The following FSTL5 variants were observed in gnomAD, a reference collection of about 807,000 sequenced individuals.
FSTL5 encodes the protein follistatin-related protein 5.
A neutral mutation model predicts 89.1 loss-of-function variants in FSTL5; 62 were observed. The observed-to-expected ratio is 0.70, with a 90% confidence interval of 0.57 to 0.86. The LOEUF (loss-of-function observed/expected upper bound fraction) is 0.86. FSTL5 is among the 40% of genes least tolerant of loss of function. FSTL5 has a pLI of 0.00. For missense variants in FSTL5, 1,057 were observed against 1,001.6 expected, an observed-to-expected ratio of 1.06 and a Z score of -0.75; for synonymous variants, 383 against 346.2, an observed-to-expected ratio of 1.11 and a Z score of -1.18.
chr4:161,760,865 G>A (rs1740768049), intron 5 of FSTL5, among the ~76,000 whole-genome samples: 1 of 151,946 alleles, frequency 6.6e-6, no homozygotes, highest in Non-Finnish European at 1.5e-5. Flanking sequence ...ACCTTTTTTG[G>A]AACACTCCTG....
chr4:161,909,493 G>A (rs1029185989), intron 4 of FSTL5, among the ~76,000 whole-genome samples: 1 of 152,048 alleles, frequency 6.6e-6, no homozygotes, highest in African/African-American at 2.4e-5. Flanking sequence ...CCTCAGCACT[G>A]CTAGAATTCC....
intron 15 of FSTL5, among the ~76,000 whole-genome samples, chr4:161,419,664 T>C (rs919267329): frequency 6.6e-6 from 1 of 152,188 alleles, no homozygotes; most frequent in Admixed American, 6.5e-5. Flanking sequence ...AAACTTCCAA[T>C]GGCATTCACC....
At chr4:161,435,699 T>C (rs1236052655) in intron 15 of FSTL5, among the ~76,000 whole-genome samples, 1 of 150,922 alleles carries the variant, frequency 6.6e-6, no homozygotes, top group South Asian at 2.1e-4. Context: ...TATATGTATA[T>C]ATTATATATG....
chr4:162,026,462 C>G (rs1357708689), intron 3 of FSTL5, among the ~76,000 whole-genome samples: 2 of 151,644 alleles, frequency 1.3e-5, no homozygotes, highest in Admixed American at 6.6e-5. Flanking sequence ...TGCCCACCAC[C>G]ACGCTTGGCT....
chr4:162,050,447 T>C (rs1011342122), intron 2 of FSTL5, among the ~76,000 whole-genome samples: 1 of 150,766 alleles, frequency 6.6e-6, no homozygotes, highest in Non-Finnish European at 1.5e-5. Context: ...ATAGCTTCAA[T>C]ATTATGGATT....
intron 13 of FSTL5, among the ~76,000 whole-genome samples, chr4:161,471,161 G>C (rs7690342): frequency 0.22 from 33,593 of 152,182 alleles, 4,438 homozygotes; most frequent in East Asian, 0.43. Context: ...CCTGAACTTA[G>C]AGGAGAAGCT....
chr4:162,068,872 CA>C (rs369132685), intron 2 of FSTL5, among the ~76,000 whole-genome samples: 19 of 151,864 alleles, frequency 1.3e-4, no homozygotes, highest in African/African-American at 4.6e-4. Flanking sequence ...CCCCATTAAA[CA>C]GTGGGCAAAA....
intron 6 of FSTL5, among the ~76,000 whole-genome samples, chr4:161,710,982 A>C (rs1340375972): frequency 6.6e-6 from 1 of 152,228 alleles, no homozygotes; most frequent in African/African-American, 2.4e-5. Flanking sequence ...CTAGAAAATA[A>C]TTGCAGATGA....
chr4:161,431,586 T>C (rs1320063273), intron 15 of FSTL5, among the ~76,000 whole-genome samples: 1 of 150,938 alleles, frequency 6.6e-6, no homozygotes, highest in African/African-American at 2.4e-5. Context: ...AAAACAACAA[T>C]AAAATGGCAG....
At chr4:161,935,420 T>C (rs1734405127) in intron 3 of FSTL5, among the ~76,000 whole-genome samples, 1 of 152,180 alleles carries the variant, frequency 6.6e-6, no homozygotes, top group Admixed American at 6.5e-5. Flanking sequence ...AAGATAGATT[T>C]ATACTGATTC....
chr4:161,465,389 A>G (rs908009857), intron 13 of FSTL5, among the ~76,000 whole-genome samples: 3 of 152,154 alleles, frequency 2.0e-5, no homozygotes, highest in African/African-American at 7.2e-5. Flanking sequence ...ACAAAAAAGC[A>G]TTAGTTATGT....
chr4:162,089,258 TA>T (rs965733256), intron 2 of FSTL5, among the ~76,000 whole-genome samples: 9 of 152,216 alleles, frequency 5.9e-5, no homozygotes, highest in African/African-American at 2.2e-4. Flanking sequence ...TAATCTGTTA[TA>T]GCAAAACACC....
chr4:161,495,673 T>C (rs978202240), intron 12 of FSTL5, among the ~76,000 whole-genome samples: 4 of 152,116 alleles, frequency 2.6e-5, no homozygotes, highest in Admixed American at 2.6e-4. Context: ...TTCTGAGAGA[T>C]TTGATTCTAT....
At chr4:161,919,526 A>G (rs773889426) in intron 4 of FSTL5, among the ~76,000 whole-genome samples, 2 of 152,228 alleles carry the variant, frequency 1.3e-5, no homozygotes, top group Non-Finnish European at 2.9e-5. Flanking sequence ...CATAAATTTA[A>G]GCTAGGAGTA....
intron 7 of FSTL5, among the ~76,000 whole-genome samples, chr4:161,634,892 A>C (rs1735634606): frequency 6.6e-6 from 1 of 152,198 alleles, no homozygotes; most frequent in Non-Finnish European, 1.5e-5. Context: ...ACACACACAC[A>C]AAATGGTAAC....
At chr4:161,837,747 T>C (rs952749787) in intron 4 of FSTL5, among the ~76,000 whole-genome samples, 3 of 152,166 alleles carry the variant, frequency 2.0e-5, no homozygotes, top group Non-Finnish European at 1.5e-5. Context: ...AAAGGTTAGC[T>C]TTTGCTAAGG....
intron 4 of FSTL5, among the ~76,000 whole-genome samples, chr4:161,778,197 GC>G (rs1304968568): frequency 6.6e-6 from 1 of 151,988 alleles, no homozygotes; most frequent in African/African-American, 2.4e-5. Context: ...ACTTACAATG[GC>G]CTCATGATGA....
chr4:162,079,141 T>A (rs2111328912), intron 2 of FSTL5, among the ~76,000 whole-genome samples: 1 of 151,924 alleles, frequency 6.6e-6, no homozygotes, highest in African/African-American at 2.4e-5. Context: ...AATATTAATC[T>A]ACTTTTCTCC....
intron 4 of FSTL5, among the ~76,000 whole-genome samples, chr4:161,826,396 A>G (rs1339238657): frequency 6.6e-6 from 1 of 152,082 alleles, no homozygotes; most frequent in Non-Finnish European, 1.5e-5. Flanking sequence ...AAGTCTATCT[A>G]TTCTAGGTAT....
Sources: gnomAD v4.1 joint callset for allele counts (sites outside exome capture counted in the v4.1 genomes callset) on GRCh38, gnomAD v4.1.1 for gene constraint, MANE v1.5 for transcripts, NCBI Gene and HGNC (gene_info 2026-07-23, HGNC 2026-07-21) for gene names.